The following DNAH2 variants were observed in gnomAD, a reference collection of about 807,000 sequenced individuals.
DNAH2 encodes the protein dynein axonemal heavy chain 2, also known as axonemal beta dynein heavy chain 2.
A neutral mutation model predicts 523.5 loss-of-function variants in DNAH2; 323 were observed. The observed-to-expected ratio is 0.62, with a 90% confidence interval of 0.56 to 0.68. The LOEUF is 0.68. Ranked by LOEUF, DNAH2 falls within the 30% of genes least tolerant of loss-of-function variation. The pLI is 0.00. For synonymous variants in DNAH2, 2,093 were observed against 2,177.4 expected (o/e 0.96, Z 1.08); for missense variants, 4,907 against 5,701.5 (o/e 0.86, Z 4.49).
At chr17:7,741,270 CTTTCTTTCTTTCTTTCTTTCTTT>C (rs2075318145) in intron 11 of DNAH2, among the ~76,000 whole-genome samples, 3 of 50,260 alleles carry the variant, frequency 6.0e-5, no homozygotes, top group African/African-American at 3.4e-4. Context: ...TTCTTTCTTT[CTTTCTTTCTTTCTTTCTTTCTTT>C]CTTCCTTCCT....
Position 7,817,609 on chromosome 17 carries a change from T to C in DNAH2, c.10069T>C (p.Phe3357Leu). The C allele has an allele frequency of 1.9e-6, 3 of 1,614,174 alleles. No individual in the cohort carries two copies. The highest frequency in any genetic ancestry group is 2.5e-6 in the Non-Finnish European group (3 of 1,180,020). The change falls in exon 66 of 86, where the codon TTC (phenylalanine) becomes CTC (leucine). Residue 3357 changes from phenylalanine (F) to leucine (L), a missense_variant. This residue lies in a region of DNAH2 where 1,851 missense variants were observed against 2,139.4 expected (regional missense o/e 0.87). Transcript: ENST00000572933. ...PCSPSFAIDN[F>L]LCNPTKVRDW... Reference sequence around the variant, plus strand: ...CTCCCCTTCTTTCGCCATCGATAACTTCCTGTGCAATCCTACCAAAGTCCG... The same window carrying C: ...CTCCCCTTCTTTCGCCATCGATAACCTCCTGTGCAATCCTACCAAAGTCCG...
rs762844521 is a variant in DNAH2, at chr17:7,817,926, C to T, written c.10237-20C>T. 5.6e-6 allele frequency: 9 copies of T among 1,614,094 alleles called. No individual in the cohort carries two copies. The highest frequency in any genetic ancestry group is 1.1e-5 in the South Asian group (1 of 91,074). On this transcript the variant is annotated intron_variant, in intron 67 of 85. Transcript: ENST00000572933. Reference sequence around the variant, plus strand: ...CCACCTCTCCCGTAGTGTTCCTTCACCTTCCCCCTTGCTCTCTAGGGCCTG... The same window carrying T: ...CCACCTCTCCCGTAGTGTTCCTTCATCTTCCCCCTTGCTCTCTAGGGCCTG...
Position 7,786,457 on chromosome 17 carries a change from G to C in DNAH2, c.6349-113G>C. ...CCGGGAGAGCTGTACCTGGGACCATGGTGGCCTGGAGCGATGAGAGAAGGG... is the reference window on the plus strand; with the variant it reads ...CCGGGAGAGCTGTACCTGGGACCATCGTGGCCTGGAGCGATGAGAGAAGGG... On this transcript the variant is annotated intron_variant, in intron 40 of 85. Transcript: ENST00000572933. The surrounding 1 kb of genome is among the most constrained non-coding windows in gnomAD (Gnocchi z 7.5). The C allele has an allele frequency of 6.8e-7, 1 of 1,471,734 alleles. No individual in the cohort carries two copies. The highest frequency in any genetic ancestry group is 1.8e-5 in the Admixed American group (1 of 56,428). 91.2% of individuals were successfully genotyped at this position (1,471,734 alleles called of 1,614,324 possible).
intron 49 of DNAH2, among the ~76,000 whole-genome samples, chr17:7,795,125 G>C (rs1281134237): frequency 6.6e-6 from 1 of 152,124 alleles, no homozygotes; most frequent in Non-Finnish European, 1.5e-5. Context: ...CAGGGGAACA[G>C]GGAAGGTATT....
chr17:7,792,923 C>T (rs1428487726), intron 47 of DNAH2, 58 bp from the exon 48 acceptor site: 2 of 1,603,334 alleles, frequency 1.2e-6, no homozygotes, highest in African/African-American at 1.3e-5. Context: ...TGACCCTCCT[C>T]TCTAAGCCCG....
chr17:7,749,421 A>ATGCCCAAG, intron 12 of DNAH2, among the ~76,000 whole-genome samples: 1 of 151,210 alleles, frequency 6.6e-6, no homozygotes, highest in East Asian at 1.9e-4. Context: ...GCCAGCATAC[A>ATGCCCAAG]TGCCCAAGTA....
chr17:7,804,818 C>G, intron 59 of DNAH2, 140 bp from the exon 60 acceptor site: 1 of 715,354 alleles, frequency 1.4e-6, no homozygotes, highest in Non-Finnish European at 2.3e-6. Flanking sequence ...TGCACTCCAG[C>G]CTGGGCGAAA....
At chr17:7,741,238 CTT>C (rs1231582585) in intron 11 of DNAH2, among the ~76,000 whole-genome samples, 307 of 23,862 alleles carry the variant, frequency 0.013, 4 homozygotes, top group African/African-American at 0.043. Flanking sequence ...TTCTCTCTCT[CTT>C]TCTTTCTTTC....
At chr17:7,795,667 T>A (rs866808278) in intron 49 of DNAH2, among the ~76,000 whole-genome samples, 1 of 97,354 alleles carries the variant, frequency 1.0e-5, no homozygotes, top group East Asian at 3.2e-4. Context: ...ATATATATAA[T>A]ATTTATATAT....
chr17:7,728,312 A>G (rs899694200), intron 4 of DNAH2, among the ~76,000 whole-genome samples: 13 of 152,006 alleles, frequency 8.6e-5, no homozygotes, highest in Admixed American at 1.3e-4. Context: ...AAAATTTTGG[A>G]AAAAAAATGT....
chr17:7,722,188 G>GGC (rs961437324), intron 2 of DNAH2, among the ~76,000 whole-genome samples: 1 of 5,858 alleles, frequency 1.7e-4, no homozygotes, highest in African/African-American at 1.2e-3. Flanking sequence ...TTATAGAGAC[G>GGC]GGGGGGGGGG....
Position 7,832,467 on chromosome 17 carries a change from C to T in DNAH2, c.12727-112C>T. 1 of 1,301,478 alleles carries T rather than the reference C, an allele frequency of 7.7e-7. No individual in the cohort carries two copies. Among genetic ancestry groups the T allele is most frequent in the Non-Finnish European group, 1.1e-6 (1 of 936,636 alleles). 80.6% of individuals were successfully genotyped at this position (1,301,478 alleles called of 1,614,324 possible). A position where few individuals can be genotyped will look rare whatever the true frequency, so the allele number is the denominator to read the frequency against. ...GAGGTTGCAGTGAGCCAAGATCGTA[C>T]CACTGCACTCCAGCCTGGGGGACAA... On this transcript the variant is annotated intron_variant, in intron 82 of 85. Coordinates refer to ENST00000572933, the MANE Select transcript of DNAH2 (RefSeq NM_020877.5). This position sits in a 1 kb window ranked among gnomAD's most constrained non-coding sequence, Gnocchi z 4.3.
Position 7,831,260 on chromosome 17 carries a change from C to T in DNAH2, c.12405C>T (p.Ser4135=). ...EAQTLFDTLL[S]LQPQITPTRA... ...AAACCCTCTTTGATACTTTGCTTTC[C>T]TTGCAACCTCAGATTACACCCACCA... is the stretch of plus-strand genomic sequence containing the variant. The change falls in exon 80 of 86, where the codon TCC becomes TCT. Residue 4135 remains serine (S), a synonymous_variant. Coordinates refer to ENST00000572933, the MANE Select transcript of DNAH2 (RefSeq NM_020877.5). This position sits in a 1 kb window ranked among gnomAD's most constrained non-coding sequence, Gnocchi z 4.2. 1.2e-6 allele frequency: 2 copies of T among 1,614,166 alleles called. No individual in the cohort carries two copies. The highest frequency in any genetic ancestry group is 1.7e-6 in the Non-Finnish European group (2 of 1,180,038).
Position 7,790,460 on chromosome 17 carries a change from G to C in DNAH2, c.6901-1457G>C, listed in dbSNP as rs555643460. Among the ~76,000 whole-genome samples, 20 of 152,156 alleles carry C rather than the reference G, an allele frequency of 1.3e-4. No individual in the cohort carries two copies. The South Asian group carries it at 4.2e-3, about 32-fold the overall frequency. ...TGGTCTCAAACTCCTGGACTCAAGT[G>C]ATCCTCCTGCCTCAGCCTCTCAAAG... On this transcript the variant is annotated intron_variant, in intron 44 of 85. Transcript: ENST00000572933.
At chr17:7,738,550 C>T (rs12601331) in intron 8 of DNAH2, among the ~76,000 whole-genome samples, 84,451 of 151,850 alleles carry the variant, frequency 0.56, 24,323 homozygotes, top group East Asian at 1. Flanking sequence ...AGGGTGGTCT[C>T]GATCTCCTGA....
rs1199721840 is a variant in DNAH2 at position 7,733,475 on chromosome 17, C to CTTTTTTTTT, written c.628+172_628+180dup. On this transcript the variant is annotated intron_variant, in intron 5 of 85. Coordinates refer to ENST00000572933, the MANE Select transcript of DNAH2 (RefSeq NM_020877.5). ...AGGGTACAAGATCCGCCTTCTTCTT[C>CTTTTTTTTT]TTTTTTTTTTTTTTTTTTTTGAGAT... Among the ~76,000 whole-genome samples, 20 of 113,856 alleles carry CTTTTTTTTT rather than the reference C, an allele frequency of 1.8e-4. 1 individual carries two copies. The highest frequency in any genetic ancestry group is 7.9e-4 in the Admixed American group (9 of 11,416). 74.7% of individuals were successfully genotyped at this position (113,856 alleles called of 152,430 possible). A position where few individuals can be genotyped will look rare whatever the true frequency, so the allele number is the denominator to read the frequency against.
In DNAH2 at chr17:7,786,812, T is replaced by C. The variant is rs890073293; in HGVS notation, c.6467-85T>C. ...TGGGGAATGCTGAAGTACAAGGGAG[T>C]GTAGGCTTGTGTCTCCGAGGAGCGT... On this transcript the variant is annotated intron_variant, in intron 41 of 85. Transcript: ENST00000572933. The surrounding 1 kb of genome is among the most constrained non-coding windows in gnomAD (Gnocchi z 7.5). The C allele has an allele frequency of 3.7e-6, 6 of 1,604,516 alleles. No homozygotes were observed. Among genetic ancestry groups the C allele is most frequent in the Admixed American group, 1.7e-5 (1 of 59,586 alleles).
intron 8 of DNAH2, chr17:7,738,166 A>G: frequency 1.4e-6 from 1 of 700,384 alleles, no homozygotes; most frequent in Non-Finnish European, 2.6e-6. Flanking sequence ...CTCCCTTGTC[A>G]GCCCTGTAAG....
chr17:7,816,680 G>C lies in DNAH2; in HGVS notation c.9839G>C (p.Gly3280Ala). Residue 3280 changes from glycine (G) to alanine (A), a missense_variant, in exon 64 of 86, where the codon GGG becomes GCG. Around this residue, in one of 3 missense-constraint regions of DNAH2, gnomAD observed 1,851 missense variants for 2,139.4 expected, o/e 0.87. Coordinates refer to ENST00000572933, the MANE Select transcript of DNAH2 (RefSeq NM_020877.5). Reference protein sequence around the residue: ...EEMELKLERAGMLVSGLAGEK... With the variant: ...EEMELKLERAAMLVSGLAGEK... ...ATGGAGCTGAAGCTGGAGCGAGCTGGGATGCTCGTGTCGGGGTTGGCTGGC... is the reference window on the plus strand; with the variant it reads ...ATGGAGCTGAAGCTGGAGCGAGCTGCGATGCTCGTGTCGGGGTTGGCTGGC... The C allele has an allele frequency of 6.2e-7, 1 of 1,614,222 alleles. No homozygotes were observed. The highest frequency in any genetic ancestry group is 2.2e-5 in the East Asian group (1 of 44,892).
Sources: gnomAD v4.1 joint callset for allele counts (sites outside exome capture counted in the v4.1 genomes callset) on GRCh38, gnomAD v4.1.1 for gene constraint, gnomAD v4.1.1 regional missense constraint, Gnocchi (gnomAD v3.1) non-coding constraint, MANE v1.5 for transcripts, NCBI Gene and HGNC (gene_info 2026-07-23, HGNC 2026-07-21) for gene names.